Variants in CUBN observed in about 807,000 individuals in gnomAD.
CUBN encodes cubilin.
In CUBN, 282 loss-of-function variants were observed where a neutral mutation model predicts 405.3. The ratio of observed to expected loss-of-function variants is 0.70; its 90% CI spans 0.63 to 0.77. The LOEUF is 0.77. Ranked by LOEUF, CUBN falls within the 30% of genes least tolerant of loss-of-function variation. The pLI is 0.00. For synonymous variants in CUBN, 1,684 were observed against 1,617.0 expected, an observed-to-expected ratio of 1.04 and a Z score of -0.99; for missense variants, 4,514 against 4,475.2, an observed-to-expected ratio of 1.01 and a Z score of -0.25.
At chr10:16,975,646 T>G (rs1429269991) in intron 31 of CUBN, among the ~76,000 whole-genome samples, 1 of 104,064 alleles carries the variant, frequency 9.6e-6, no homozygotes, top group Non-Finnish European at 2.0e-5. Context: ...TTTTTTTTTT[T>G]TTTGAGAAGG....
chr10:16,861,223 G>A (rs1457010555), intron 59 of CUBN, among the ~76,000 whole-genome samples: 2 of 150,326 alleles, frequency 1.3e-5, no homozygotes, highest in Non-Finnish European at 2.9e-5. Context: ...GTGCAGTGCT[G>A]TGATCTCCAC....
intron 27 of CUBN, among the ~76,000 whole-genome samples, chr10:17,038,389 G>C (rs901105556): frequency 6.6e-6 from 1 of 152,066 alleles, no homozygotes; most frequent in African/African-American, 2.4e-5. Context: ...TTAAGCAAAT[G>C]GTCCCTTCTC....
intron 59 of CUBN, among the ~76,000 whole-genome samples, chr10:16,859,890 T>C (rs1398970606): frequency 6.6e-6 from 1 of 152,134 alleles, no homozygotes; most frequent in African/African-American, 2.4e-5. Flanking sequence ...TTGGCATAGA[T>C]AGCACAAAAG....
intron 27 of CUBN, among the ~76,000 whole-genome samples, chr10:17,032,650 C>T (rs371525255): frequency 6.6e-6 from 1 of 152,112 alleles, no homozygotes; most frequent in Non-Finnish European, 1.5e-5. Flanking sequence ...ATCTGAGATG[C>T]GAATAACTCT....
chr10:16,836,408 T>C, intron 62 of CUBN, 26 bp from the exon 63 acceptor site: 1 of 1,609,942 alleles, frequency 6.2e-7, no homozygotes, highest in Non-Finnish European at 8.5e-7. Flanking sequence ...AGCCAAATCA[T>C]GTTAGATTTA....
At chr10:16,948,379 A>G (rs1437453989) in intron 35 of CUBN, 99 bp downstream of exon 35, 9 of 1,538,552 alleles carry the variant, frequency 5.8e-6, no homozygotes, top group Non-Finnish European at 8.0e-6. Flanking sequence ...ATCTCAGGAA[A>G]CTGGCTCCCA....
intron 22 of CUBN, among the ~76,000 whole-genome samples, chr10:17,062,386 A>T (rs1158701610): frequency 1.3e-5 from 2 of 152,248 alleles, no homozygotes; most frequent in Admixed American, 6.5e-5. Flanking sequence ...ACATGTTAAT[A>T]GAATATAAAA....
Position 16,952,300 on chromosome 10 carries a change from A to G in CUBN, c.4945T>C (p.Trp1649Arg). 6.2e-7 allele frequency: 1 copy of G among 1,613,442 alleles called. No individual in the cohort carries two copies. Among genetic ancestry groups the G allele is most frequent in the Non-Finnish European group, 8.5e-7 (1 of 1,179,490 alleles). ...ANYPNNQNCSWIIQAQPPLNH... is the reference protein window; with the variant it reads ...ANYPNNQNCSRIIQAQPPLNH... Reference sequence around the variant, plus strand: ...CATGGAGGTTGCGCTTGAATGATCCAGCTGCAGTTCTGATTGTTTGGATAA... The same window carrying G: ...CATGGAGGTTGCGCTTGAATGATCCGGCTGCAGTTCTGATTGTTTGGATAA... Residue 1649 changes from tryptophan (W) to arginine (R), a missense_variant, in exon 33 of 67, where the codon TGG (tryptophan) becomes CGG (arginine). Trp to Arg is a moderately radical substitution (Grantham distance 101, BLOSUM62 -3). Coordinates refer to ENST00000377833, the MANE Select transcript of CUBN (RefSeq NM_001081.4).
chr10:17,062,350 G>A (rs1445773678), intron 22 of CUBN, among the ~76,000 whole-genome samples: 1 of 151,936 alleles, frequency 6.6e-6, no homozygotes, highest in African/African-American at 2.4e-5. Context: ...CCTCTTAGCA[G>A]GATTATATAT....
In CUBN at chr10:16,907,687, A is replaced by G; in HGVS notation, c.7534-8T>C. ...TCTAATGCCATTGAATACCTGTTGG[A>G]AAAAGAGTTTAACCTTCAGGCACAC... On this transcript the variant is annotated splice_region_variant and splice_polypyrimidine_tract_variant and intron_variant, in intron 48 of 66. Transcript: ENST00000377833. 1.2e-6 allele frequency: 2 copies of G among 1,611,748 alleles called. No homozygotes were observed. The highest frequency in any genetic ancestry group is 2.7e-5 in the African/African-American group (2 of 74,966).
At chr10:17,101,881 G>A (rs1234075171) in intron 13 of CUBN, among the ~76,000 whole-genome samples, 1 of 152,062 alleles carries the variant, frequency 6.6e-6, no homozygotes, top group East Asian at 1.9e-4. Context: ...TATCTTTCAG[G>A]GTTATGAGAG....
intron 17 of CUBN, among the ~76,000 whole-genome samples, chr10:17,074,239 C>T (rs1164189619): frequency 2.0e-5 from 3 of 152,112 alleles, no homozygotes; most frequent in African/African-American, 4.8e-5. Context: ...TTTGGGGAAG[C>T]GCAGGATACT....
At chr10:17,111,663 C>T (rs1281583194) in intron 8 of CUBN, among the ~76,000 whole-genome samples, 2 of 152,142 alleles carry the variant, frequency 1.3e-5, no homozygotes, top group Non-Finnish European at 2.9e-5. Flanking sequence ...GTGGCTCATG[C>T]CTGTAATCCC....
At chr10:17,008,531 G>T (rs1374096020) in intron 28 of CUBN, among the ~76,000 whole-genome samples, 4 of 151,546 alleles carry the variant, frequency 2.6e-5, no homozygotes, top group African/African-American at 9.7e-5. Flanking sequence ...CTTCGACTCA[G>T]TTCCATCCTC....
At chr10:17,112,831 G>T (rs1588650921) in intron 8 of CUBN, among the ~76,000 whole-genome samples, 1 of 151,964 alleles carries the variant, frequency 6.6e-6, no homozygotes, top group Non-Finnish European at 1.5e-5. Context: ...ATGCGATCTT[G>T]GGCAAGTTAT....
At chr10:16,964,975 C>A (rs915814237) in intron 31 of CUBN, among the ~76,000 whole-genome samples, 12 of 152,186 alleles carry the variant, frequency 7.9e-5, no homozygotes, top group Non-Finnish European at 1.2e-4. Context: ...CTCTTCCTGT[C>A]CCTCTCATTT....
chr10:16,904,436 C>T (rs1442316557), intron 50 of CUBN, among the ~76,000 whole-genome samples: 1 of 152,200 alleles, frequency 6.6e-6, no homozygotes, highest in Non-Finnish European at 1.5e-5. Flanking sequence ...CACTTTTGGA[C>T]ACACCTTTTG....
intron 54 of CUBN, among the ~76,000 whole-genome samples, chr10:16,893,208 C>T (rs896325339): frequency 3.9e-5 from 6 of 152,112 alleles, no homozygotes; most frequent in Admixed American, 2.6e-4. Context: ...ATTTTTTAAA[C>T]AAATGTTTAC....
intron 21 of CUBN, among the ~76,000 whole-genome samples, chr10:17,066,017 T>C (rs1835606864): frequency 6.6e-6 from 1 of 152,186 alleles, no homozygotes; most frequent in African/African-American, 2.4e-5. Context: ...TCTAAACTCA[T>C]AGATCACTCA....
Sources: allele counts gnomAD v4.1 joint callset (sites outside exome capture counted in the v4.1 genomes callset), GRCh38; gene constraint gnomAD v4.1.1; transcripts MANE v1.5; gene names NCBI Gene and HGNC (gene_info 2026-07-23, HGNC 2026-07-21).